The following NPHP1 variants were observed in gnomAD, a reference collection of about 807,000 sequenced individuals.
The protein encoded by NPHP1 is nephrocystin-1.
A neutral mutation model predicts 90.4 loss-of-function variants in NPHP1; 70 were observed. The observed-to-expected ratio is 0.77, with a 90% CI of 0.64 to 0.95. The LOEUF (loss-of-function observed/expected upper bound fraction) is 0.95, where lower values mean the gene tolerates loss of function less well. Among genes scored for constraint, NPHP1 ranks in the 40% least tolerant of loss-of-function variants. NPHP1 has a pLI of 0.00. For synonymous variants in NPHP1, 256 were observed against 271.7 expected (o/e 0.94, Z 0.57); for missense variants, 764 against 795.9 (o/e 0.96, Z 0.48).
At chr2:110,176,063 T>A (rs1204486869) in intron 4 of NPHP1, among the ~76,000 whole-genome samples, 4 of 152,098 alleles carry the variant, frequency 2.6e-5, no homozygotes, top group Non-Finnish European at 5.9e-5. Context: ...TTAGTTCCCA[T>A]TTCTCTGCTT....
chr2:110,194,920 C>T (rs1252461106), intron 2 of NPHP1, among the ~76,000 whole-genome samples: 1 of 151,976 alleles, frequency 6.6e-6, no homozygotes, highest in Non-Finnish European at 1.5e-5. Context: ...ATGATTATCT[C>T]AATAGATGCA....
intron 2 of NPHP1, among the ~76,000 whole-genome samples, chr2:110,190,038 C>T (rs1316145547): frequency 6.6e-6 from 1 of 152,204 alleles, no homozygotes; most frequent in Non-Finnish European, 1.5e-5. Flanking sequence ...CTGAGCTAGA[C>T]ACAGGGGGCT....
chr2:110,186,295 G>A (rs547802030), intron 2 of NPHP1, among the ~76,000 whole-genome samples: 2 of 152,298 alleles, frequency 1.3e-5, no homozygotes, highest in African/African-American at 4.8e-5. Context: ...ACAAGGAAGG[G>A]GTGTTGGAGA....
At chr2:110,168,359 A>G in intron 6 of NPHP1, 93 bp downstream of exon 6, 2 of 813,092 alleles carry the variant, frequency 2.5e-6, no homozygotes, top group Admixed American at 4.0e-5. Context: ...CAAGTCATTC[A>G]CTAGTCAACT....
chr2:110,189,294 G>C (rs1482741784), intron 2 of NPHP1, among the ~76,000 whole-genome samples: 1 of 152,144 alleles, frequency 6.6e-6, no homozygotes, highest in Admixed American at 6.6e-5. Flanking sequence ...GGCGTGTCCA[G>C]AGTTTGTTCC....
chr2:110,188,902 C>G (rs1023775806), intron 2 of NPHP1, among the ~76,000 whole-genome samples: 2 of 151,982 alleles, frequency 1.3e-5, no homozygotes, highest in South Asian at 4.2e-4. Context: ...GCGGAAAGGG[C>G]CCCCTATTTA....
chr2:110,131,671 C>T lies in NPHP1; in HGVS notation c.1642+8G>A, dbSNP rs1243815222. On this transcript the variant is annotated splice_region_variant and intron_variant, in intron 17 of 19. Coordinates refer to ENST00000445609, the MANE Select transcript of NPHP1 (RefSeq NM_001128178.3). ...ACTGCACATAAGGAAGTGGCAAAGC[C>T]CACTTACCAGTACTTTGCAAGCTCA... 6.4e-7 allele frequency: 1 copy of T among 1,564,690 alleles called. No individual in the cohort carries two copies.
At position 110,192,356 on chromosome 2, in the gene NPHP1, G is replaced by A. The variant is rs1259293389; in HGVS notation, c.143+9065C>T. ...AACCATGGCACAAGAACTACGTGAC[G>A]AATGCACAAGCTTCAGTAGCTGATT... On this transcript the variant is annotated intron_variant, in intron 2 of 19. Coordinates refer to ENST00000445609, the MANE Select transcript of NPHP1 (RefSeq NM_001128178.3). Among the ~76,000 whole-genome samples, 6 of 152,148 alleles carry A rather than the reference G, an allele frequency of 3.9e-5. No individual in the cohort carries two copies. The South Asian group carries it at 1.0e-3, about 26-fold the overall frequency.
intron 16 of NPHP1, among the ~76,000 whole-genome samples, chr2:110,137,978 T>C (rs1369693041): frequency 1.5e-4 from 23 of 151,458 alleles, no homozygotes; most frequent in Non-Finnish European, 1.3e-4. Context: ...ATATACACCA[T>C]GGAATACTAT....
chr2:110,178,534 G>C lies in NPHP1; in HGVS notation c.218C>G (p.Ala73Gly), dbSNP rs1553491052. The C allele has an allele frequency of 6.2e-7, 1 of 1,613,464 alleles. No individual in the cohort carries two copies. Among genetic ancestry groups the C allele is most frequent in the Non-Finnish European group, 8.5e-7 (1 of 1,179,668 alleles). ...TCTCTGATTATAGTTTGCAACAGGT[G>C]CAGATTCATCAGCCTATGAGAGAAT... ...LQKLSKADES[A>G]PVANYNQRKE... is the part of the protein sequence containing the mutation. Residue 73 changes from alanine (A) to glycine (G), a missense_variant, in exon 4 of 20, where the codon GCA (alanine) becomes GGA (glycine). Ala to Gly is a moderately conservative substitution (Grantham distance 60). Transcript: ENST00000445609.
chr2:110,160,090 TC>T (rs749032682), intron 11 of NPHP1, 36 bp downstream of exon 11: 27 of 1,599,086 alleles, frequency 1.7e-5, no homozygotes, highest in Middle Eastern at 3.3e-4. Flanking sequence ...TTCTCCATAA[TC>T]CTAGTATGAA....
chr2:110,174,332 G>A (rs1472949065), intron 4 of NPHP1, among the ~76,000 whole-genome samples: 2 of 151,928 alleles, frequency 1.3e-5, no homozygotes, highest in Admixed American at 6.6e-5. Context: ...ATCAAATCAC[G>A]TTTAGTATTC....
chr2:110,179,508 T>TA (rs1683737111), intron 3 of NPHP1, 116 bp downstream of exon 3: 3 of 624,218 alleles, frequency 4.8e-6, no homozygotes, highest in Non-Finnish European at 8.9e-6. Context: ...TGGCTGCAGT[T>TA]AGACTATATC....
intron 12 of NPHP1, among the ~76,000 whole-genome samples, chr2:110,148,808 C>T (rs1681255746): frequency 6.6e-6 from 1 of 152,170 alleles, no homozygotes; most frequent in Admixed American, 6.5e-5. Flanking sequence ...CTCAACTTTC[C>T]TAATGTGTGC....
At chr2:110,133,572 G>C (rs145643062) in intron 16 of NPHP1, among the ~76,000 whole-genome samples, 1 of 152,038 alleles carries the variant, frequency 6.6e-6, no homozygotes, top group African/African-American at 2.4e-5. Flanking sequence ...GGCAACAGCA[G>C]AATACACATT....
chr2:110,169,139 A>G (rs989348432), intron 5 of NPHP1, among the ~76,000 whole-genome samples: 1 of 152,106 alleles, frequency 6.6e-6, no homozygotes, highest in African/African-American at 2.4e-5. Context: ...ATTAAAATAT[A>G]CATTATTGTC....
chr2:110,167,826 T>C (rs1399053900), intron 6 of NPHP1, among the ~76,000 whole-genome samples: 4 of 152,088 alleles, frequency 2.6e-5, no homozygotes, highest in African/African-American at 4.8e-5. Flanking sequence ...CAGAATCGAA[T>C]TGAATTGCTG....
At chr2:110,191,398 C>T (rs11677886) in intron 2 of NPHP1, among the ~76,000 whole-genome samples, 46,849 of 152,070 alleles carry the variant, frequency 0.31, 7,776 homozygotes, top group East Asian at 0.55. Context: ...GTCCTACGCC[C>T]AGAGAGCCTC....
At chr2:110,170,092 T>A (rs1401762179) in intron 4 of NPHP1, 94 bp from the exon 5 acceptor site, 6 of 1,461,052 alleles carry the variant, frequency 4.1e-6, no homozygotes, top group Non-Finnish European at 5.7e-6. Context: ...GAATATCCCA[T>A]ATTTGGAGCT....
Sources: allele counts gnomAD v4.1 joint callset (sites outside exome capture counted in the v4.1 genomes callset), GRCh38; gene constraint gnomAD v4.1.1; transcripts MANE v1.5; gene names NCBI Gene and HGNC (gene_info 2026-07-23, HGNC 2026-07-21).